MAP3K7: variants seen among roughly 807,000 people sequenced by gnomAD.
The protein encoded by MAP3K7 is mitogen-activated protein kinase kinase kinase 7, also known as TGF-beta activated kinase 1.
MAP3K7 carries 21 observed loss-of-function variants against 84.8 expected under a neutral mutation model. That is an observed-to-expected ratio of 0.25 (90% confidence interval 0.18 to 0.36). The LOEUF (loss-of-function observed/expected upper bound fraction) is 0.36. MAP3K7 is among the 10% of genes least tolerant of loss of function. The pLI is 1.00. For missense variants in MAP3K7, 503 were observed against 747.7 expected, an observed-to-expected ratio of 0.67 and a Z score of 3.82; for synonymous variants, 241 against 247.7, an observed-to-expected ratio of 0.97 and a Z score of 0.25.
Position 90,548,144 on chromosome 6 carries a change from C to T in MAP3K7, c.983G>A (p.Ser328Asn), listed in dbSNP as rs1213420677. The T allele has an allele frequency of 6.2e-7, 1 of 1,611,432 alleles. No individual in the cohort carries two copies. ...SFMDIASTNT[S>N]NKSDTNMEQV... ...CTCCATATTAGTGTCACTTTTGTTA[C>T]TCGTATTTGTAGAAGCAATGTCCAT... Residue 328 changes from serine to asparagine, a missense_variant, in exon 10 of 17, where the codon AGT (serine) becomes AAT (asparagine). This residue lies in a region of MAP3K7 where 286 missense variants were observed against 313.6 expected (regional missense o/e 0.91). Transcript: ENST00000369329.
chr6:90,521,743 C>A (rs749850842), intron 14 of MAP3K7, among the ~76,000 whole-genome samples: 1 of 152,016 alleles, frequency 6.6e-6, no homozygotes, highest in Non-Finnish European at 1.5e-5. Flanking sequence ...CCCTCTACTG[C>A]GTCTAGATCT....
chr6:90,571,895 C>T (rs1316222641), intron 1 of MAP3K7, 88 bp from the exon 2 acceptor site: 19 of 554,932 alleles, frequency 3.4e-5, no homozygotes, highest in Non-Finnish European at 5.3e-5. Context: ...AAACTAAAGT[C>T]AATCTTTAAG....
At chr6:90,535,390 A>G (rs1562085293) in intron 13 of MAP3K7, among the ~76,000 whole-genome samples, 1 of 151,898 alleles carries the variant, frequency 6.6e-6, no homozygotes, top group East Asian at 1.9e-4. Flanking sequence ...AAATTTTACA[A>G]AAATATGGGT....
chr6:90,553,603 T>TA lies in MAP3K7; in HGVS notation c.608-18dup, dbSNP rs1483476610. On this transcript the variant is annotated splice_polypyrimidine_tract_variant and intron_variant, in intron 6 of 16. Coordinates refer to ENST00000369329, the MANE Select transcript of MAP3K7 (RefSeq NM_145331.3). ...AATTACTACCTAGAAAAAAAAAAGG[T>TA]AGTATATAACCTAAAGACTATTTTT... 6.3e-7 allele frequency: 1 copy of TA among 1,591,724 alleles called. No homozygotes were observed. The highest frequency in any genetic ancestry group is 8.5e-7 in the Non-Finnish European group (1 of 1,170,722).
At chr6:90,586,378 C>CAAAAAAAAAAAAAAAAAAAAAAAAAAA (rs71027942) in intron 1 of MAP3K7, among the ~76,000 whole-genome samples, 1 of 78,578 alleles carries the variant, frequency 1.3e-5, no homozygotes, top group African/African-American at 5.2e-5. Flanking sequence ...GACTCCGTCT[C>CAAAAAAAAAAAAAAAAAAAAAAAAAAA]AAAAAAAAAA....
intron 13 of MAP3K7, among the ~76,000 whole-genome samples, chr6:90,524,804 A>G (rs1302446788): frequency 2.0e-5 from 3 of 152,200 alleles, no homozygotes; most frequent in Non-Finnish European, 4.4e-5. Flanking sequence ...ACAAGATGGC[A>G]CTAAAATTAT....
At chr6:90,530,681 T>C (rs1562082592) in intron 13 of MAP3K7, among the ~76,000 whole-genome samples, 1 of 152,208 alleles carries the variant, frequency 6.6e-6, no homozygotes, top group Non-Finnish European at 1.5e-5. Flanking sequence ...AATATGCTAA[T>C]ATGTTTGTAT....
At chr6:90,522,077 C>A (rs1278863866) in intron 14 of MAP3K7, among the ~76,000 whole-genome samples, 1 of 151,192 alleles carries the variant, frequency 6.6e-6, no homozygotes, top group Non-Finnish European at 1.5e-5. Context: ...TAAACTTAAA[C>A]CAGAGCATCC....
chr6:90,586,690 T>C, intron 1 of MAP3K7, 74 bp downstream of exon 1: 2 of 1,525,950 alleles, frequency 1.3e-6, no homozygotes, highest in African/African-American at 1.4e-5. Context: ...GGGAGGCACC[T>C]TCAGAGCCGG....
chr6:90,521,235 A>T (rs1317268717), intron 14 of MAP3K7, among the ~76,000 whole-genome samples: 3 of 149,448 alleles, frequency 2.0e-5, no homozygotes, highest in Admixed American at 6.8e-5. Context: ...AGATCGGAAG[A>T]TTATTTAATG....
intron 16 of MAP3K7, 151 bp downstream of exon 16, chr6:90,518,296 A>G (rs1775036981): frequency 3.6e-6 from 2 of 554,320 alleles, no homozygotes; most frequent in African/African-American, 3.8e-5. Flanking sequence ...TTTTGCATAA[A>G]AAATTTTTAG....
chr6:90,550,772 C>T (rs1776156238), intron 8 of MAP3K7: 2 of 379,910 alleles, frequency 5.3e-6, no homozygotes. Context: ...TTGAAGAAAA[C>T]AGCAAATATT....
At chr6:90,558,504 G>A (rs1562099019) in intron 5 of MAP3K7, among the ~76,000 whole-genome samples, 2 of 152,088 alleles carry the variant, frequency 1.3e-5, no homozygotes, top group South Asian at 2.1e-4. Context: ...CTCCAAAGAC[G>A]ATTTGCAAGA....
intron 4 of MAP3K7, 130 bp downstream of exon 4, chr6:90,561,492 T>TC: frequency 1.7e-6 from 1 of 572,990 alleles, no homozygotes; most frequent in South Asian, 3.2e-5. Context: ...TCTTAGCAGA[T>TC]TTTTAAAAAT....
At chr6:90,529,030 C>T (rs1775411644) in intron 13 of MAP3K7, among the ~76,000 whole-genome samples, 1 of 152,122 alleles carries the variant, frequency 6.6e-6, no homozygotes, top group Non-Finnish European at 1.5e-5. Flanking sequence ...TGATTCTTGC[C>T]ACTTCTCTGG....
At chr6:90,536,541 T>G in intron 12 of MAP3K7, 140 bp from the exon 13 acceptor site, 1 of 617,544 alleles carries the variant, frequency 1.6e-6, no homozygotes, top group South Asian at 2.0e-5. Context: ...AGTGAGTTTA[T>G]TGCTAAGAAA....
At chr6:90,569,254 T>G (rs937260964) in intron 2 of MAP3K7, among the ~76,000 whole-genome samples, 4 of 151,222 alleles carry the variant, frequency 2.6e-5, no homozygotes, top group African/African-American at 9.7e-5. Flanking sequence ...GCACTCCCTC[T>G]GTATACTTGC....
chr6:90,534,338 G>T (rs1775597813), intron 13 of MAP3K7, among the ~76,000 whole-genome samples: 1 of 152,076 alleles, frequency 6.6e-6, no homozygotes, highest in Non-Finnish European at 1.5e-5. Context: ...AGTACATTAG[G>T]ATTAGTATTT....
chr6:90,571,915 T>TA lies in MAP3K7; in HGVS notation c.121-109dup, dbSNP rs35467094. 2,660 of 395,518 alleles carry TA rather than the reference T, an allele frequency of 6.7e-3. 1 individual carries two copies. The highest frequency in any genetic ancestry group is 0.019 in the East Asian group (481 of 25,312). The allele number at this position is 395,518 out of a possible 1,614,324, so 24.5% of individuals were successfully genotyped here. A position where few individuals can be genotyped will look rare whatever the true frequency, so the allele number is the denominator to read the frequency against. ...AAAGTCAATCTTTAAGACTTTAAAT[T>TA]AAAAAAAAAAAAAACATGGAAATCA... is the stretch of plus-strand genomic sequence containing the variant. On this transcript the variant is annotated intron_variant, in intron 1 of 16. Coordinates refer to ENST00000369329, the MANE Select transcript of MAP3K7 (RefSeq NM_145331.3).
Sources: gnomAD v4.1 joint callset for allele counts (sites outside exome capture counted in the v4.1 genomes callset) on GRCh38, gnomAD v4.1.1 for gene constraint, gnomAD v4.1.1 regional missense constraint, MANE v1.5 for transcripts, NCBI Gene and HGNC (gene_info 2026-07-23, HGNC 2026-07-21) for gene names.